LIMCH1: variants seen among roughly 807,000 people sequenced by gnomAD.
LIMCH1 encodes the protein LIM and calponin homology domains-containing protein 1.
Under a neutral mutation model 176.5 loss-of-function variants are expected in LIMCH1, and 113 were observed. The ratio of observed to expected loss-of-function variants is 0.64; its 90% confidence interval spans 0.55 to 0.75. The LOEUF is 0.75. LIMCH1 is among the 30% of genes least tolerant of loss of function. The probability of loss-of-function intolerance (pLI) is 0.00; values close to 1 mark genes in which losing one functional copy is unlikely to be tolerated. For synonymous variants in LIMCH1, 619 were observed against 645.9 expected (o/e 0.96, Z 0.63); for missense variants, 1,674 against 1,814.9 (o/e 0.92, Z 1.41).
At chr4:41,368,144 C>T (rs556007055) in intron 1 of LIMCH1, among the ~76,000 whole-genome samples, 44 of 152,026 alleles carry the variant, frequency 2.9e-4, no homozygotes, top group South Asian at 2.1e-3. Context: ...GGAATGAAAG[C>T]GACAATAAGC....
chr4:41,667,150 A>G (rs2094856127), intron 21 of LIMCH1, among the ~76,000 whole-genome samples: 1 of 152,170 alleles, frequency 6.6e-6, no homozygotes, highest in African/African-American at 2.4e-5. Flanking sequence ...AAAAAGTCAT[A>G]AAATCATAAA....
intron 1 of LIMCH1, among the ~76,000 whole-genome samples, chr4:41,451,192 C>T (rs1031931925): frequency 4.6e-5 from 7 of 152,118 alleles, no homozygotes; most frequent in Non-Finnish European, 8.8e-5. Flanking sequence ...CTTGGCTCAC[C>T]GCAACCTCCG....
intron 1 of LIMCH1, among the ~76,000 whole-genome samples, chr4:41,540,596 G>A (rs772537022): frequency 7.2e-5 from 11 of 152,062 alleles, no homozygotes; most frequent in South Asian, 2.1e-4. Flanking sequence ...AAAGTTAGCC[G>A]GGTGTGGTGA....
intron 30 of LIMCH1, among the ~76,000 whole-genome samples, chr4:41,690,084 A>G (rs902563760): frequency 6.6e-6 from 1 of 152,226 alleles, no homozygotes; most frequent in African/African-American, 2.4e-5. Context: ...TGTAGGTCTC[A>G]GAATGAATAT....
intron 2 of LIMCH1, among the ~76,000 whole-genome samples, chr4:41,601,522 G>GAAAGA (rs1473545686): frequency 6.6e-6 from 1 of 152,174 alleles, no homozygotes; most frequent in Non-Finnish European, 1.5e-5. Flanking sequence ...ATGTTTAAAA[G>GAAAGA]AAAGAAAAGT....
intron 1 of LIMCH1, among the ~76,000 whole-genome samples, chr4:41,567,594 A>G (rs1044890483): frequency 2.0e-5 from 3 of 152,142 alleles, no homozygotes; most frequent in Non-Finnish European, 4.4e-5. Context: ...TATCTCCTTT[A>G]TTCCCTAGGA....
intron 17 of LIMCH1, among the ~76,000 whole-genome samples, chr4:41,649,365 A>G (rs1399267253): frequency 6.6e-6 from 1 of 152,182 alleles, no homozygotes; most frequent in African/African-American, 2.4e-5. Context: ...ACACCACTCC[A>G]CTCCAGCCTG....
intron 1 of LIMCH1, among the ~76,000 whole-genome samples, chr4:41,592,378 A>C (rs569829156): frequency 6.6e-6 from 1 of 152,218 alleles, no homozygotes; most frequent in African/African-American, 2.4e-5. Flanking sequence ...TTTGGTATGT[A>C]GCCTGCCCCT....
At chr4:41,632,344 A>G (rs543411233) in intron 10 of LIMCH1, among the ~76,000 whole-genome samples, 27 of 152,290 alleles carry the variant, frequency 1.8e-4, no homozygotes, top group African/African-American at 6.0e-4. Flanking sequence ...TGACCTATAG[A>G]AGGGTTTCTT....
chr4:41,394,332 C>A (rs1254199024), intron 1 of LIMCH1, among the ~76,000 whole-genome samples: 1 of 152,034 alleles, frequency 6.6e-6, no homozygotes. Flanking sequence ...TAAACCCTTC[C>A]AATGAAAAGG....
chr4:41,564,154 C>G (rs1004545944), intron 1 of LIMCH1, among the ~76,000 whole-genome samples: 2 of 152,150 alleles, frequency 1.3e-5, no homozygotes, highest in African/African-American at 2.4e-5. Flanking sequence ...CTTCTCATAA[C>G]AAGTGTAAGA....
At chr4:41,648,658 GGTGTGTGTGT>G (rs71650941) in intron 17 of LIMCH1, among the ~76,000 whole-genome samples, 6 of 135,330 alleles carry the variant, frequency 4.4e-5, no homozygotes, top group African/African-American at 5.6e-5. Context: ...AAGGGGTAGG[GGTGTGTGTGT>G]GTGTGTGTGT....
chr4:41,676,375 T>TA lies in LIMCH1; in HGVS notation c.3439-5dup. On this transcript the variant is annotated splice_region_variant and splice_polypyrimidine_tract_variant and intron_variant, in intron 22 of 31. Coordinates refer to ENST00000503057, the MANE Select transcript of LIMCH1 (RefSeq NM_001330672.2). ...AATTCTGATCATGGTTTCATTTTTC[T>TA]AAGCAGTTTAAGTTCTGGGCATGGG... The TA allele has an allele frequency of 6.2e-7, 1 of 1,612,312 alleles. No homozygotes were observed. The highest frequency in any genetic ancestry group is 8.5e-7 in the Non-Finnish European group (1 of 1,178,584).
chr4:41,648,125 C>T (rs1453216105), intron 17 of LIMCH1, among the ~76,000 whole-genome samples: 1 of 152,152 alleles, frequency 6.6e-6, no homozygotes, highest in African/African-American at 2.4e-5. Flanking sequence ...CTTTCCTTCA[C>T]CTAGGGCCTA....
At chr4:41,440,153 T>G (rs1050840899) in intron 1 of LIMCH1, among the ~76,000 whole-genome samples, 3 of 152,230 alleles carry the variant, frequency 2.0e-5, no homozygotes, top group African/African-American at 4.8e-5. Flanking sequence ...ATTAATTTTA[T>G]TAGTTTCCCC....
chr4:41,681,525 C>G (rs1002562262), intron 25 of LIMCH1, among the ~76,000 whole-genome samples: 1 of 152,058 alleles, frequency 6.6e-6, no homozygotes, highest in African/African-American at 2.4e-5. Flanking sequence ...TCTAACCCCC[C>G]CACATTCCAC....
At chr4:41,595,964 C>A (rs957976843) in intron 1 of LIMCH1, among the ~76,000 whole-genome samples, 4 of 150,756 alleles carry the variant, frequency 2.7e-5, no homozygotes, top group African/African-American at 4.9e-5. Flanking sequence ...GCAGTAGAAT[C>A]TCTTGAACCT....
At chr4:41,669,707 G>A (rs2094949102) in intron 21 of LIMCH1, among the ~76,000 whole-genome samples, 1 of 152,190 alleles carries the variant, frequency 6.6e-6, no homozygotes, top group Non-Finnish European at 1.5e-5. Flanking sequence ...CTTTCAAGAA[G>A]CCAGAGACCT....
chr4:41,646,599 C>G lies in LIMCH1; in HGVS notation c.2526C>G (p.Leu842=), dbSNP rs370131391. 1 of 1,614,154 alleles carries G rather than the reference C, an allele frequency of 6.2e-7. No individual in the cohort carries two copies. The highest frequency in any genetic ancestry group is 2.2e-5 in the East Asian group (1 of 44,872). Residue 842 remains leucine (L), a synonymous_variant, in exon 17 of 32, where the codon CTC becomes CTG. Transcript: ENST00000503057. ...IERFTISEAV[L]ERLEMPKILE... is the part of the protein sequence containing the mutation. ...GGTTCACCATCAGTGAGGCTGTTCT[C>G]GAACGCTTGGAGATGCCAAAAATTC...
Sources: gnomAD v4.1 joint callset for allele counts (sites outside exome capture counted in the v4.1 genomes callset) on GRCh38, gnomAD v4.1.1 for gene constraint, MANE v1.5 for transcripts, NCBI Gene and HGNC (gene_info 2026-07-23, HGNC 2026-07-21) for gene names.